The following SGCZ variants were observed in gnomAD, a reference collection of about 807,000 sequenced individuals.
The protein encoded by SGCZ is zeta-sarcoglycan.
SGCZ carries 40 observed loss-of-function variants against 41.3 expected under a neutral mutation model. The ratio of observed to expected loss-of-function variants is 0.97; its 90% CI spans 0.75 to 1.26. SGCZ has a LOEUF of 1.26. SGCZ is among the 50% of genes most tolerant of loss of function. The pLI is 0.00. For synonymous variants in SGCZ, 206 were observed against 137.5 expected, an observed-to-expected ratio of 1.50 and a Z score of -3.49; for missense variants, 552 against 369.8, an observed-to-expected ratio of 1.49 and a Z score of -4.04.
chr8:14,145,227 G>C (rs1465444997), intron 5 of SGCZ, among the ~76,000 whole-genome samples: 1 of 152,142 alleles, frequency 6.6e-6, no homozygotes, highest in Non-Finnish European at 1.5e-5. Context: ...CTTCAGGACA[G>C]AGAGAATCTT....
intron 1 of SGCZ, among the ~76,000 whole-genome samples, chr8:15,155,805 C>T (rs1799313415): frequency 6.6e-6 from 1 of 152,098 alleles, no homozygotes; most frequent in African/African-American, 2.4e-5. Flanking sequence ...CACCTGTTAT[C>T]CTAGCACTTT....
chr8:15,062,828 G>A (rs747327164), intron 1 of SGCZ, among the ~76,000 whole-genome samples: 2 of 151,988 alleles, frequency 1.3e-5, no homozygotes, highest in African/African-American at 4.8e-5. Flanking sequence ...ATGATTAATC[G>A]ATTTGGCTCC....
intron 2 of SGCZ, among the ~76,000 whole-genome samples, chr8:14,405,382 A>G (rs1287668550): frequency 6.6e-6 from 1 of 152,188 alleles, no homozygotes; most frequent in Non-Finnish European, 1.5e-5. Flanking sequence ...TTCCATTAAG[A>G]TTTAAACTAA....
intron 2 of SGCZ, among the ~76,000 whole-genome samples, chr8:14,452,227 AT>A (rs1323814582): frequency 8.5e-5 from 13 of 152,204 alleles, no homozygotes; most frequent in African/African-American, 2.9e-4. Flanking sequence ...TACATACTAT[AT>A]GATTTCAACT....
intron 1 of SGCZ, among the ~76,000 whole-genome samples, chr8:14,751,554 A>G (rs940769542): frequency 6.6e-6 from 1 of 152,158 alleles, no homozygotes; most frequent in Admixed American, 6.6e-5. Flanking sequence ...TGTATTAGGA[A>G]CCAGAATACT....
At chr8:15,034,531 G>A (rs1255966502) in intron 1 of SGCZ, among the ~76,000 whole-genome samples, 2 of 152,126 alleles carry the variant, frequency 1.3e-5, no homozygotes, top group Non-Finnish European at 2.9e-5. Flanking sequence ...TAAAGAGGTA[G>A]AAAGAATATT....
At chr8:14,654,392 G>A (rs867988798) in intron 1 of SGCZ, among the ~76,000 whole-genome samples, 3 of 152,018 alleles carry the variant, frequency 2.0e-5, no homozygotes, top group African/African-American at 7.3e-5. Context: ...TGGGGAAGAT[G>A]ATGGTCATGA....
At chr8:14,439,700 G>T (rs966413985) in intron 2 of SGCZ, among the ~76,000 whole-genome samples, 8 of 151,958 alleles carry the variant, frequency 5.3e-5, no homozygotes, top group South Asian at 4.1e-4. Flanking sequence ...AACTGATAGA[G>T]AATAAAATTG....
At chr8:14,281,459 T>G (rs1800435055) in intron 3 of SGCZ, among the ~76,000 whole-genome samples, 1 of 102,034 alleles carries the variant, frequency 9.8e-6, no homozygotes, top group Non-Finnish European at 2.7e-5. Flanking sequence ...TCTTAATTTT[T>G]TTATATCATA....
At chr8:14,264,941 T>C (rs1799821507) in intron 3 of SGCZ, among the ~76,000 whole-genome samples, 1 of 152,054 alleles carries the variant, frequency 6.6e-6, no homozygotes, top group Non-Finnish European at 1.5e-5. Flanking sequence ...CCGGCCTGGG[T>C]GACAGAGCGA....
At chr8:15,206,597 C>G (rs538876376) in intron 1 of SGCZ, among the ~76,000 whole-genome samples, 40 of 151,950 alleles carry the variant, frequency 2.6e-4, no homozygotes, top group African/African-American at 9.2e-4. Flanking sequence ...TACAGGTGCC[C>G]GCCACCACAC....
chr8:14,253,378 T>C (rs1046657090), intron 3 of SGCZ, among the ~76,000 whole-genome samples: 2 of 152,046 alleles, frequency 1.3e-5, no homozygotes, highest in African/African-American at 2.4e-5. Context: ...GATAAAAGCA[T>C]AGTGCTTACT....
intron 2 of SGCZ, among the ~76,000 whole-genome samples, chr8:14,377,406 G>C (rs1585424585): frequency 6.6e-6 from 1 of 151,936 alleles, no homozygotes; most frequent in South Asian, 2.1e-4. Context: ...TAATCAACTG[G>C]TAATAGGAAG....
intron 1 of SGCZ, among the ~76,000 whole-genome samples, chr8:15,223,069 A>C (rs1042248017): frequency 6.6e-6 from 1 of 152,184 alleles, no homozygotes; most frequent in Non-Finnish European, 1.5e-5. Context: ...ATCTTAAATC[A>C]TATTAAATGG....
At chr8:14,678,777 A>C (rs1241864823) in intron 1 of SGCZ, among the ~76,000 whole-genome samples, 1 of 152,344 alleles carries the variant, frequency 6.6e-6, no homozygotes, top group African/African-American at 2.4e-5. Flanking sequence ...CTTGGAAGCA[A>C]CCAAGATGTT....
At chr8:14,339,637 C>T (rs1296465952) in intron 2 of SGCZ, among the ~76,000 whole-genome samples, 1 of 152,078 alleles carries the variant, frequency 6.6e-6, no homozygotes, top group African/African-American at 2.4e-5. Context: ...TGAATAAAAC[C>T]TAAGCATCTA....
chr8:14,582,303 G>A (rs1385742293), intron 1 of SGCZ, among the ~76,000 whole-genome samples: 2 of 151,956 alleles, frequency 1.3e-5, no homozygotes, highest in Admixed American at 6.6e-5. Context: ...AAATTTATAG[G>A]AAAATTTTCA....
chr8:14,530,613 T>C (rs1306348214), intron 2 of SGCZ, among the ~76,000 whole-genome samples: 1 of 152,118 alleles, frequency 6.6e-6, no homozygotes, highest in African/African-American at 2.4e-5. Flanking sequence ...CACTACTGAA[T>C]ATTTTAAAAG....
chr8:15,081,919 C>G lies in SGCZ; in HGVS notation c.39+155666G>C, dbSNP rs78816294. Among the ~76,000 whole-genome samples the G allele has an allele frequency of 1.0e-3, 157 of 152,194 alleles. 1 individual carries two copies. The East Asian group carries it at 0.029, about 28-fold the overall frequency. On this transcript the variant is annotated intron_variant, in intron 1 of 7. Transcript: ENST00000382080. ...ACGAGGAAAAAAGTAAATACTAAAG[C>G]TGCCTAATGGGTTGAGATACTATAA...
Sources: allele counts gnomAD v4.1 joint callset (sites outside exome capture counted in the v4.1 genomes callset), GRCh38; gene constraint gnomAD v4.1.1; transcripts MANE v1.5; gene names NCBI Gene and HGNC (gene_info 2026-07-23, HGNC 2026-07-21).